DPP4: variants seen among roughly 807,000 people sequenced by gnomAD.
The protein encoded by DPP4 is ADCP-2.
Under a neutral mutation model 122.4 loss-of-function variants are expected in DPP4, and 93 were observed. The ratio of observed to expected loss-of-function variants is 0.76; its 90% confidence interval spans 0.64 to 0.90. DPP4 has a LOEUF of 0.90. DPP4 is among the 40% of genes least tolerant of loss of function. The probability of loss-of-function intolerance (pLI) is 0.00; values close to 1 mark genes in which losing one functional copy is unlikely to be tolerated. For missense variants in DPP4, 914 were observed against 907.3 expected (o/e 1.01, Z -0.09); for synonymous variants, 321 against 302.9 (o/e 1.06, Z -0.62).
Position 162,045,534 on chromosome 2 carries a change from T to C in DPP4, c.364A>G (p.Lys122Glu). ...CAGTAAGAAAGCATTTATTTTACCTTCACGTAGTTGTATTCTAAGAGAATA... is the reference window on the plus strand; with the variant it reads ...CAGTAAGAAAGCATTTATTTTACCTCCACGTAGTTGTATTCTAAGAGAATA... Reference protein sequence around the residue: ...QFILLEYNYVKQWRHSYTASY... With the variant: ...QFILLEYNYVEQWRHSYTASY... Residue 122 changes from lysine (K) to glutamate (E), a missense_variant and splice_region_variant, in exon 5 of 26, where the codon AAG (lysine) becomes GAG (glutamate). Lys to Glu is a moderately conservative substitution (Grantham distance 56). Transcript: ENST00000360534. 6.2e-7 allele frequency: 1 copy of C among 1,603,666 alleles called. No homozygotes were observed. The highest frequency in any genetic ancestry group is 8.5e-7 in the Non-Finnish European group (1 of 1,170,718).
rs1684282584 is a variant in DPP4, at chr2:162,048,857, G to C, written c.95-1356C>G. On this transcript the variant is annotated intron_variant, in intron 2 of 25. Coordinates refer to ENST00000360534, the MANE Select transcript of DPP4 (RefSeq NM_001935.4). ...TAGTCTTTGAAGACAAGGCTTTGCT[G>C]TTTGTTCGTTTTAATTTTTACGTCA... 2.0e-5 allele frequency among the ~76,000 whole-genome samples: 3 copies of C among 152,180 alleles called. No homozygotes were observed. In the South Asian group the frequency reaches 6.2e-4, roughly 31 times the overall value.
At position 162,073,552 on chromosome 2, in the gene DPP4, C is replaced by G. The variant is rs1244934273; in HGVS notation, c.7-66G>C. ...GTGGCCCCAGTTTCCGTAGGAGGGT[C>G]GGGGCTGCTCCAGAGGCAGCAGGAT... On this transcript the variant is annotated intron_variant, in intron 1 of 25. Transcript: ENST00000360534. 10 of 1,506,588 alleles carry G rather than the reference C, an allele frequency of 6.6e-6. No homozygotes were observed. The Admixed American group carries it at 8.4e-5, about 13-fold the overall frequency. The allele number at this position is 1,506,588 out of a possible 1,614,324, so 93.3% of individuals were successfully genotyped here. A position where few individuals can be genotyped will look rare whatever the true frequency, so the allele number is the denominator to read the frequency against.
chr2:161,994,785 T>C (rs1214537993), intron 25 of DPP4, among the ~76,000 whole-genome samples, 176 bp downstream of exon 25: 1 of 152,168 alleles, frequency 6.6e-6, no homozygotes. Flanking sequence ...CTAATATTAT[T>C]GAGCATTACT....
intron 2 of DPP4, among the ~76,000 whole-genome samples, chr2:162,052,612 T>C (rs1684421662): frequency 6.6e-6 from 1 of 152,190 alleles, no homozygotes; most frequent in South Asian, 2.1e-4. Flanking sequence ...AAATGGAGTG[T>C]TGCTGTTACA....
intron 11 of DPP4, among the ~76,000 whole-genome samples, chr2:162,023,194 CT>C (rs1236671277): frequency 6.6e-6 from 1 of 152,158 alleles, no homozygotes; most frequent in African/African-American, 2.4e-5. Flanking sequence ...CCTTCAGCCC[CT>C]GTCACCTAGT....
intron 5 of DPP4, among the ~76,000 whole-genome samples, chr2:162,044,910 C>T (rs1476675791): frequency 1.3e-5 from 2 of 151,410 alleles, no homozygotes; most frequent in Admixed American, 6.6e-5. Context: ...CTTGCGGAAT[C>T]TTTTCTGGAG....
chr2:162,022,515 CTA>C (rs374137179), intron 12 of DPP4, among the ~76,000 whole-genome samples: 198 of 152,272 alleles, frequency 1.3e-3, no homozygotes, highest in African/African-American at 4.5e-3. Flanking sequence ...CAGGAGTGCG[CTA>C]TGTTTTGTCT....
At position 162,022,766 on chromosome 2, in the gene DPP4, A is replaced by C; in HGVS notation, c.1057T>G (p.Trp353Gly). 6.2e-7 allele frequency: 1 copy of C among 1,614,084 alleles called. No homozygotes were observed. The highest frequency in any genetic ancestry group is 1.1e-5 in the South Asian group (1 of 91,078). ...CTTATAACACTTACTCTTCCAACCC[A>C]GCCAGTAGTACTCATTTCAATGTGT... Reference protein sequence around the residue: ...RQHIEMSTTGWVGRFRPSEPH... With the variant: ...RQHIEMSTTGGVGRFRPSEPH... Residue 353 changes from tryptophan (W) to glycine (G), a missense_variant, in exon 12 of 26, where the codon TGG (tryptophan) becomes GGG (glycine). By Grantham distance (184) the Trp-to-Gly change is radical. Transcript: ENST00000360534.
At chr2:162,055,414 C>G (rs1254124630) in intron 2 of DPP4, among the ~76,000 whole-genome samples, 1 of 152,134 alleles carries the variant, frequency 6.6e-6, no homozygotes, top group East Asian at 1.9e-4. Flanking sequence ...CACTGTGGTA[C>G]AGCTGGGTGC....
At chr2:162,049,169 C>T (rs187779610) in intron 2 of DPP4, among the ~76,000 whole-genome samples, 1 of 152,300 alleles carries the variant, frequency 6.6e-6, no homozygotes, top group African/African-American at 2.4e-5. Context: ...AGCCCTGTCC[C>T]TTGTTAATTT....
At chr2:162,050,623 C>T (rs1684349249) in intron 2 of DPP4, among the ~76,000 whole-genome samples, 1 of 152,210 alleles carries the variant, frequency 6.6e-6, no homozygotes, top group African/African-American at 2.4e-5. Flanking sequence ...ATATTAGCTG[C>T]CAGTCCAAGA....
At chr2:162,039,294 CAT>C (rs1447218535) in intron 5 of DPP4, 110 bp from the exon 6 acceptor site, 10 of 908,780 alleles carry the variant, frequency 1.1e-5, no homozygotes, top group African/African-American at 5.1e-5. Flanking sequence ...ATAATTCTCA[CAT>C]GTTATCATAT....
intron 23 of DPP4, among the ~76,000 whole-genome samples, chr2:161,997,076 T>C (rs1420957017): frequency 2.0e-5 from 3 of 152,212 alleles, no homozygotes; most frequent in Non-Finnish European, 4.4e-5. Context: ...CCCAAAATGT[T>C]TCAGTCGAAT....
chr2:162,030,411 G>C (rs1453641825), intron 10 of DPP4, among the ~76,000 whole-genome samples: 1 of 152,126 alleles, frequency 6.6e-6, no homozygotes, highest in Admixed American at 6.5e-5. Flanking sequence ...ATCCTCCTGT[G>C]GATTTCACTT....
chr2:162,064,345 G>T (rs550201934), intron 2 of DPP4, among the ~76,000 whole-genome samples: 1 of 152,262 alleles, frequency 6.6e-6, no homozygotes, highest in South Asian at 2.1e-4. Flanking sequence ...TTACCATGCA[G>T]AGTAATTTTT....
At position 162,019,119 on chromosome 2, in the gene DPP4, T is replaced by C. The variant is rs1285882637; in HGVS notation, c.1298+104A>G. Reference sequence around the variant, plus strand: ...AGGAATAAAAAGTGCTCAATAGCAATACCAGTTTAATATTAGTTAGGACAA... The same window carrying C: ...AGGAATAAAAAGTGCTCAATAGCAACACCAGTTTAATATTAGTTAGGACAA... On this transcript the variant is annotated intron_variant, in intron 15 of 25. Coordinates refer to ENST00000360534, the MANE Select transcript of DPP4 (RefSeq NM_001935.4). 3 of 1,052,408 alleles carry C rather than the reference T, an allele frequency of 2.9e-6. No homozygotes were observed. In the African/African-American group the frequency reaches 4.8e-5, roughly 17 times the overall value. The allele number at this position is 1,052,408 out of a possible 1,614,324, so 65.2% of individuals were successfully genotyped here.
chr2:162,062,546 G>A (rs973356266), intron 2 of DPP4, among the ~76,000 whole-genome samples: 3 of 152,198 alleles, frequency 2.0e-5, no homozygotes, highest in Non-Finnish European at 1.5e-5. Flanking sequence ...GCTCACACAG[G>A]TTGTTGGCAA....
Position 161,992,258 on chromosome 2 carries a change from A to G in DPP4, c.*1025T>C, listed in dbSNP as rs527527781. 6.6e-6 allele frequency: 1 copy of G among 152,344 alleles called. No individual in the cohort carries two copies. The highest frequency in any genetic ancestry group is 1.9e-4 in the East Asian group (1 of 5,190). 9.4% of individuals were successfully genotyped at this position (152,344 alleles called of 1,614,324 possible). ...ACAAGTCATTACTTCTGAAAAAATG[A>G]AGGCACATTTATTAAATGACTGGGA... On this transcript the variant is annotated 3_prime_UTR_variant, in exon 26 of 26. Coordinates refer to ENST00000360534, the MANE Select transcript of DPP4 (RefSeq NM_001935.4).
intron 7 of DPP4, 56 bp from the exon 8 acceptor site, chr2:162,038,478 C>A (rs1456307102): frequency 6.5e-7 from 1 of 1,527,690 alleles, no homozygotes; most frequent in Non-Finnish European, 8.8e-7. Flanking sequence ...ATTTTTATCC[C>A]GGAATTGTAG....
Sources: gnomAD v4.1 joint callset for allele counts (sites outside exome capture counted in the v4.1 genomes callset) on GRCh38, gnomAD v4.1.1 for gene constraint, MANE v1.5 for transcripts, NCBI Gene and HGNC (gene_info 2026-07-23, HGNC 2026-07-21) for gene names.